Variants in MINDY4B observed in about 807,000 individuals in gnomAD.
MINDY4B encodes MINDY family member 4B.
Under a neutral mutation model 16.7 loss-of-function variants are expected in MINDY4B, and 25 were observed. That is an observed-to-expected ratio of 1.49 (90% CI 1.09 to 2.09). The LOEUF (loss-of-function observed/expected upper bound fraction) is 2.09. MINDY4B is among the 30% of genes most tolerant of loss of function. The probability of loss-of-function intolerance (pLI) is 0.00; values close to 1 mark genes in which losing one functional copy is unlikely to be tolerated. For synonymous variants in MINDY4B, 132 were observed against 61.9 expected (o/e 2.13, Z -5.32); for missense variants, 327 against 168.4 (o/e 1.94, Z -5.21).
chr3:150,902,067 C>T (rs924066985), intron 3 of MINDY4B, among the ~76,000 whole-genome samples: 10 of 152,096 alleles, frequency 6.6e-5, no homozygotes, highest in East Asian at 3.9e-4. Flanking sequence ...AAAAAGCAGA[C>T]GGAAACTCTG....
intron 11 of MINDY4B, among the ~76,000 whole-genome samples, chr3:150,871,476 A>G (rs1716970721): frequency 6.6e-6 from 1 of 151,846 alleles, no homozygotes; most frequent in Admixed American, 6.6e-5. Context: ...ATAACTGTTG[A>G]TAAGCTATGT....
intron 5 of MINDY4B, among the ~76,000 whole-genome samples, chr3:150,892,476 G>T (rs1258033363): frequency 6.6e-6 from 1 of 152,178 alleles, no homozygotes; most frequent in African/African-American, 2.4e-5. Context: ...CTCTTTGGGG[G>T]TAATAACTTT....
chr3:150,893,897 G>T (rs1711891258), intron 4 of MINDY4B, among the ~76,000 whole-genome samples: 1 of 152,074 alleles, frequency 6.6e-6, no homozygotes, highest in Non-Finnish European at 1.5e-5. Flanking sequence ...CACCATGTTG[G>T]CCAGGCTGAT....
Position 150,893,421 on chromosome 3 carries a change from A to G in MINDY4B, c.430-6T>C, listed in dbSNP as rs1184850250. ...TGAATGCTTCGGGCCCCTCCCTGAAATGAGGAGAATGAATGACGAGGTGAA... is the reference window on the plus strand; with the variant it reads ...TGAATGCTTCGGGCCCCTCCCTGAAGTGAGGAGAATGAATGACGAGGTGAA... On this transcript the variant is annotated splice_polypyrimidine_tract_variant and splice_region_variant and intron_variant, in intron 4 of 11. Coordinates refer to ENST00000465419, the MANE Select transcript of MINDY4B (RefSeq NM_001351281.2). The G allele has an allele frequency of 2.8e-6, 2 of 702,754 alleles. No homozygotes were observed. Among genetic ancestry groups the G allele is most frequent in the Non-Finnish European group, 5.2e-6 (2 of 384,808 alleles). 43.5% of individuals were successfully genotyped at this position (702,754 alleles called of 1,614,324 possible).
chr3:150,897,164 C>T (rs977993640), intron 3 of MINDY4B, among the ~76,000 whole-genome samples: 1 of 152,112 alleles, frequency 6.6e-6, no homozygotes, highest in Admixed American at 6.6e-5. Context: ...CCCCTTGCTC[C>T]AGCACAGACA....
chr3:150,898,448 A>G (rs1712032505), intron 3 of MINDY4B, among the ~76,000 whole-genome samples: 1 of 152,220 alleles, frequency 6.6e-6, no homozygotes, highest in Non-Finnish European at 1.5e-5. Context: ...CTAAAAACAG[A>G]GGGGCTGCAG....
intron 3 of MINDY4B, among the ~76,000 whole-genome samples, chr3:150,895,052 A>C (rs946868152): frequency 6.6e-6 from 1 of 152,242 alleles, no homozygotes; most frequent in Non-Finnish European, 1.5e-5. Context: ...GAGGCTGGTC[A>C]ATGGCATCTA....
At chr3:150,890,824 TC>T in intron 6 of MINDY4B, 113 bp downstream of exon 6, 1 of 621,718 alleles carries the variant, frequency 1.6e-6, no homozygotes, top group Non-Finnish European at 2.9e-6. Context: ...GGAAGGCACC[TC>T]CGGTCACATC....
At chr3:150,888,514 G>C (rs1711689411) in intron 7 of MINDY4B, among the ~76,000 whole-genome samples, 1 of 152,120 alleles carries the variant, frequency 6.6e-6, no homozygotes, top group African/African-American at 2.4e-5. Context: ...CTGCCAAATG[G>C]AATGAGACAC....
chr3:150,894,638 G>A (rs534437281), intron 3 of MINDY4B, among the ~76,000 whole-genome samples: 1 of 152,186 alleles, frequency 6.6e-6, no homozygotes, highest in Non-Finnish European at 1.5e-5. Context: ...CAGAAAAAAG[G>A]AACAGTCAGG....
intron 10 of MINDY4B, among the ~76,000 whole-genome samples, chr3:150,881,791 T>G (rs141523344): frequency 1.3e-5 from 2 of 152,194 alleles, no homozygotes; most frequent in Non-Finnish European, 2.9e-5. Context: ...AGGAATAACA[T>G]GCAAACTTGT....
Position 150,873,354 on chromosome 3 carries a change from A to G in MINDY4B, c.1073T>C (p.Leu358Pro). 1 of 702,772 alleles carries G rather than the reference A, an allele frequency of 1.4e-6. No homozygotes were observed. Among genetic ancestry groups the G allele is most frequent in the South Asian group, 1.5e-5 (1 of 67,572 alleles). 43.5% of individuals were successfully genotyped at this position (702,772 alleles called of 1,614,324 possible). ...CCAAATAGGTAATTTGGGAGTCTTCAGCATGCTGCCCACCTGGAAAGGGGA... is the reference window on the plus strand; with the variant it reads ...CCAAATAGGTAATTTGGGAGTCTTCGGCATGCTGCCCACCTGGAAAGGGGA... ...DDRLSQVGSM[L>P]KTPKLPIWLC... is the part of the protein sequence containing the mutation. Residue 358 changes from leucine to proline, a missense_variant, in exon 11 of 12, where the codon CTG becomes CCG. By Grantham distance (98) the Leu-to-Pro change is moderately conservative. Transcript: ENST00000465419.
chr3:150,888,992 C>T (rs1428171991), intron 7 of MINDY4B, among the ~76,000 whole-genome samples: 1 of 152,170 alleles, frequency 6.6e-6, no homozygotes, highest in Non-Finnish European at 1.5e-5. Context: ...TCCTCTATAT[C>T]TGTGTAATCC....
rs566091616 is a variant in MINDY4B, at chr3:150,870,762, G to C, written c.*283C>G. 3.9e-5 allele frequency among the ~76,000 whole-genome samples: 6 copies of C among 152,122 alleles called. No individual in the cohort carries two copies. Among genetic ancestry groups the C allele is most frequent in the African/African-American group, 9.7e-5 (4 of 41,398 alleles). On this transcript the variant is annotated 3_prime_UTR_variant, in exon 12 of 12. Coordinates refer to ENST00000465419, the MANE Select transcript of MINDY4B (RefSeq NM_001351281.2). The stretch of plus-strand genomic sequence containing the variant: ...CTTTGGAAAAACATGCAAGAGAGAG[G>C]CTTCATTTTCTCTTTTGAATAAAAG...
chr3:150,875,097 A>G (rs1448904425), intron 10 of MINDY4B, among the ~76,000 whole-genome samples: 2 of 152,250 alleles, frequency 1.3e-5, no homozygotes, highest in Non-Finnish European at 2.9e-5. Context: ...CACATATCAA[A>G]CACAGGGCCA....
rs532950554 is a variant in MINDY4B at position 150,875,560 on chromosome 3, G to A, written c.1060-2193C>T. On this transcript the variant is annotated intron_variant, in intron 10 of 11. Coordinates refer to ENST00000465419, the MANE Select transcript of MINDY4B (RefSeq NM_001351281.2). ...CACTCAGATAAACATACTCTGCCAG[G>A]TGCTGACTGACACACTATTGTTGCT... Among the ~76,000 whole-genome samples the A allele has an allele frequency of 6.6e-4, 101 of 152,274 alleles. 1 individual carries two copies. Among genetic ancestry groups the A allele is most frequent in the African/African-American group, 2.4e-3 (98 of 41,546 alleles).
At chr3:150,890,297 T>C in intron 7 of MINDY4B, 23 bp downstream of exon 7, 1 of 499,658 alleles carries the variant, frequency 2.0e-6, no homozygotes. Flanking sequence ...ATAAAGGAAT[T>C]ATCTCAACAC....
intron 7 of MINDY4B, among the ~76,000 whole-genome samples, chr3:150,887,775 TCA>T (rs1711664871): frequency 1.3e-5 from 2 of 152,218 alleles, no homozygotes; most frequent in South Asian, 4.1e-4. Context: ...ATGTATTCTC[TCA>T]CAGTTTGGGA....
At chr3:150,880,339 G>GTA (rs1286923006) in intron 10 of MINDY4B, among the ~76,000 whole-genome samples, 1 of 150,582 alleles carries the variant, frequency 6.6e-6, no homozygotes, top group African/African-American at 2.4e-5. Context: ...GTGTGTGTGT[G>GTA]TGGATGCGCA....
Sources: allele counts gnomAD v4.1 joint callset (sites outside exome capture counted in the v4.1 genomes callset), GRCh38; gene constraint gnomAD v4.1.1; transcripts MANE v1.5; gene names NCBI Gene and HGNC (gene_info 2026-07-23, HGNC 2026-07-21).